NRXN1: variants seen among roughly 807,000 people sequenced by gnomAD.
NRXN1 encodes neurexin 1, also known as neurexin-1.
Under a neutral mutation model 150.9 loss-of-function variants are expected in NRXN1, and 39 were observed. The ratio of observed to expected loss-of-function variants is 0.26; its 90% CI spans 0.20 to 0.34. The LOEUF (loss-of-function observed/expected upper bound fraction) is 0.34, where lower values mean the gene tolerates loss of function less well. Ranked by LOEUF, NRXN1 falls within the 10% of genes least tolerant of loss-of-function variation. NRXN1 has a pLI of 1.00. For missense variants in NRXN1, 1,815 were observed against 1,949.9 expected (o/e 0.93, Z 1.30); for synonymous variants, 924 against 757.0 (o/e 1.22, Z -3.62).
chr2:50,486,193 G>A (rs6724631), intron 15 of NRXN1, among the ~76,000 whole-genome samples: 1 of 151,938 alleles, frequency 6.6e-6, no homozygotes, highest in Non-Finnish European at 1.5e-5. Flanking sequence ...TTAATGTAAT[G>A]CTTTCACACA....
rs147696284 is a variant in NRXN1, at chr2:50,258,286, C to T, written c.3365-21316G>A. On this transcript the variant is annotated intron_variant, in intron 17 of 22. Transcript: ENST00000401669. ...GAGTCAATCCTCTCAAACCCTGCTG[C>T]TGCTTTTTCAACTAAGTTTATGTAA... is the stretch of plus-strand genomic sequence containing the variant. 2.0e-5 allele frequency among the ~76,000 whole-genome samples: 3 copies of T among 152,184 alleles called. No individual in the cohort carries two copies. The East Asian group carries it at 5.8e-4, about 29-fold the overall frequency.
intron 19 of NRXN1, among the ~76,000 whole-genome samples, chr2:50,070,718 C>T (rs11125285): frequency 0.16 from 22,360 of 142,902 alleles, 2,160 homozygotes; most frequent in East Asian, 0.4. Context: ...TGCAGTGAGC[C>T]GAGATCCCGC....
Position 51,026,243 on chromosome 2 carries a change from C to T in NRXN1, c.772+1259G>A, listed in dbSNP as rs1575270108. On this transcript the variant is annotated intron_variant, in intron 2 of 22. Coordinates refer to ENST00000401669, the MANE Select transcript of NRXN1 (RefSeq NM_001330078.2). ...AGATTTAATAATTCACCTTTTTTCACCCATTTCAGCCACAAATGCCATTTA... is the reference window on the plus strand; with the variant it reads ...AGATTTAATAATTCACCTTTTTTCATCCATTTCAGCCACAAATGCCATTTA... The T allele has an allele frequency of 6.0e-6, 4 of 665,034 alleles. No homozygotes were observed. The East Asian group carries it at 8.2e-5, about 14-fold the overall frequency. 41.2% of individuals were successfully genotyped at this position (665,034 alleles called of 1,614,324 possible). A position where few individuals can be genotyped will look rare whatever the true frequency, so the allele number is the denominator to read the frequency against.
intron 8 of NRXN1, among the ~76,000 whole-genome samples, chr2:50,555,344 G>C (rs1243026245): frequency 6.6e-6 from 1 of 152,220 alleles, no homozygotes; most frequent in South Asian, 2.1e-4. Context: ...CCACCACAAA[G>C]TTGAAGAATG....
intron 2 of NRXN1, among the ~76,000 whole-genome samples, chr2:51,012,047 T>C (rs1667958319): frequency 6.6e-6 from 1 of 152,016 alleles, no homozygotes; most frequent in South Asian, 2.1e-4. Context: ...TGCATTGTAA[T>C]GAAATCATGC....
intron 18 of NRXN1, among the ~76,000 whole-genome samples, chr2:50,225,474 A>C (rs2064283863): frequency 6.6e-6 from 1 of 152,006 alleles, no homozygotes; most frequent in Non-Finnish European, 1.5e-5. Flanking sequence ...CATAGTTATA[A>C]CTACAGTAAG....
intron 21 of NRXN1, among the ~76,000 whole-genome samples, chr2:50,040,012 G>C (rs1300905256): frequency 6.6e-6 from 1 of 152,044 alleles, no homozygotes; most frequent in Non-Finnish European, 1.5e-5. Flanking sequence ...ATTAGTATTG[G>C]ATAATATTTA....
At chr2:50,003,778 T>A (rs1865490) in intron 21 of NRXN1, among the ~76,000 whole-genome samples, 1 of 151,916 alleles carries the variant, frequency 6.6e-6, no homozygotes, top group East Asian at 1.9e-4. Flanking sequence ...TTCCAACATT[T>A]CATGAGGAGC....
intron 8 of NRXN1, among the ~76,000 whole-genome samples, chr2:50,563,171 A>T (rs1423069081): frequency 6.6e-6 from 1 of 152,200 alleles, no homozygotes; most frequent in African/African-American, 2.4e-5. Context: ...GCTTTCTAAA[A>T]CATAGCAAGT....
intron 2 of NRXN1, among the ~76,000 whole-genome samples, chr2:50,974,972 T>C (rs1030853131): frequency 2.6e-5 from 4 of 152,068 alleles, no homozygotes; most frequent in Non-Finnish European, 5.9e-5. Context: ...ACTGAATTAA[T>C]TTTATGATCC....
intron 5 of NRXN1, among the ~76,000 whole-genome samples, chr2:50,781,749 A>G (rs940884962): frequency 6.6e-6 from 1 of 152,352 alleles, no homozygotes; most frequent in East Asian, 1.9e-4. Flanking sequence ...TTCATCTAAA[A>G]ATATTTATGC....
At chr2:50,424,523 G>A (rs902118902) in intron 17 of NRXN1, among the ~76,000 whole-genome samples, 7 of 152,064 alleles carry the variant, frequency 4.6e-5, no homozygotes, top group Non-Finnish European at 1.0e-4. Context: ...ATGACAGGGA[G>A]AATATGGGTC....
chr2:50,081,374 C>T (rs1372644290), intron 19 of NRXN1, among the ~76,000 whole-genome samples: 1 of 152,000 alleles, frequency 6.6e-6, no homozygotes, highest in African/African-American at 2.4e-5. Context: ...GTCAAGAGAT[C>T]GCGACCATCC....
At chr2:50,999,344 T>C (rs1200910469) in intron 2 of NRXN1, among the ~76,000 whole-genome samples, 1 of 152,080 alleles carries the variant, frequency 6.6e-6, no homozygotes, top group Non-Finnish European at 1.5e-5. Context: ...TTAACAGGTA[T>C]GGCCCCTCCT....
intron 5 of NRXN1, among the ~76,000 whole-genome samples, chr2:50,816,843 C>G (rs1034868281): frequency 6.6e-6 from 1 of 152,188 alleles, no homozygotes; most frequent in East Asian, 1.9e-4. Flanking sequence ...CAACAAAGTC[C>G]TTTCCTCCAA....
At chr2:50,681,480 T>G (rs1690398710) in intron 5 of NRXN1, among the ~76,000 whole-genome samples, 2 of 152,160 alleles carry the variant, frequency 1.3e-5, no homozygotes, top group Non-Finnish European at 2.9e-5. Flanking sequence ...CAAAAGGGAC[T>G]GAAATATAAA....
chr2:50,970,990 T>G (rs1184438671), intron 2 of NRXN1, among the ~76,000 whole-genome samples: 1 of 152,164 alleles, frequency 6.6e-6, no homozygotes, highest in African/African-American at 2.4e-5. Flanking sequence ...TTTAGGACTT[T>G]TTTCTTTATC....
intron 17 of NRXN1, among the ~76,000 whole-genome samples, chr2:50,364,266 A>C (rs2079431565): frequency 6.6e-6 from 1 of 152,168 alleles, no homozygotes. Flanking sequence ...ACACCAGCTT[A>C]AATTGCAGTT....
chr2:50,479,085 C>T (rs1002691601), intron 15 of NRXN1, among the ~76,000 whole-genome samples: 2 of 152,214 alleles, frequency 1.3e-5, no homozygotes, highest in Admixed American at 1.3e-4. Context: ...AAGTCTAAGG[C>T]TCAGCAGTGA....
Sources: allele counts gnomAD v4.1 joint callset (sites outside exome capture counted in the v4.1 genomes callset), GRCh38; gene constraint gnomAD v4.1.1; transcripts MANE v1.5; gene names NCBI Gene and HGNC (gene_info 2026-07-23, HGNC 2026-07-21).